PLXNA1: variants seen among roughly 807,000 people sequenced by gnomAD.
PLXNA1 encodes plexin-A1.
In PLXNA1, 77 loss-of-function variants were observed where a neutral mutation model predicts 191.7. That is an observed-to-expected ratio of 0.40 (90% CI 0.33 to 0.49). The LOEUF (loss-of-function observed/expected upper bound fraction) is 0.49, where lower values mean the gene tolerates loss of function less well. Ranked by LOEUF, PLXNA1 falls within the 20% of genes least tolerant of loss-of-function variation. PLXNA1 has a pLI of 0.63. For synonymous variants in PLXNA1, 1,137 were observed against 1,156.4 expected (o/e 0.98, Z 0.34); for missense variants, 2,110 against 2,660.2 (o/e 0.79, Z 4.55).
rs762223928 is a variant in PLXNA1 at position 127,018,434 on chromosome 3, C to T, written c.3801C>T (p.Tyr1267=). 2 of 1,613,062 alleles carry T rather than the reference C, an allele frequency of 1.2e-6. No homozygotes were observed. Among genetic ancestry groups the T allele is most frequent in the South Asian group, 1.1e-5 (1 of 91,086 alleles). ...TCATCGTGGCTGTGCTCATCGCCTA[C>T]AAGCGCAAGTCACGAGATGCTGACC... ...LLVIVAVLIA[Y]KRKSRDADRT... The change falls in exon 20 of 32, where the codon TAC becomes TAT. Residue 1267 remains tyrosine, a synonymous_variant. Coordinates refer to ENST00000393409, the MANE Select transcript of PLXNA1 (RefSeq NM_032242.4).
chr3:126,984,505 C>T (rs2078947749), intron 1 of PLXNA1, among the ~76,000 whole-genome samples: 1 of 152,186 alleles, frequency 6.6e-6, no homozygotes, highest in Middle Eastern at 3.2e-3. Context: ...GCGGCAGAGG[C>T]CAGGTGCTGC....
intron 31 of PLXNA1, among the ~76,000 whole-genome samples, chr3:127,033,122 G>A (rs2079221052): frequency 6.6e-6 from 1 of 152,230 alleles, no homozygotes; most frequent in Admixed American, 6.5e-5. Context: ...TGTGGGTGGT[G>A]AGCAACTTCC....
intron 23 of PLXNA1, chr3:127,026,576 G>C (rs886176696): frequency 6.6e-6 from 1 of 152,170 alleles, no homozygotes; most frequent in African/African-American, 2.4e-5. Flanking sequence ...CTCCTCCTTC[G>C]TGGCTAACTT....
At chr3:127,028,773 C>A in intron 25 of PLXNA1, 1 of 581,550 alleles carries the variant, frequency 1.7e-6, no homozygotes, top group Non-Finnish European at 3.1e-6. Context: ...GAAGGCAGGG[C>A]AGACCCCCTT....
rs1302845008 is a variant in PLXNA1, at chr3:127,022,764, G to A, written c.4308G>A (p.Val1436=). Residue 1436 remains valine, a synonymous_variant, in exon 23 of 32, where the codon GTG becomes GTA. Transcript: ENST00000393409. ...CTGTGCTCCCCAGGACTGAGTCGGT[G>A]GCAGAGAAGATGCTAACTAACTGGT... The part of the protein sequence containing the change: ...PKLLLRRTES[V]AEKMLTNWFT... The A allele has an allele frequency of 6.2e-7, 1 of 1,614,012 alleles. No individual in the cohort carries two copies. The highest frequency in any genetic ancestry group is 8.5e-7 in the Non-Finnish European group (1 of 1,179,952).
At chr3:127,019,118 G>A (rs2079140321) in intron 20 of PLXNA1, among the ~76,000 whole-genome samples, 1 of 152,190 alleles carries the variant, frequency 6.6e-6, no homozygotes, top group Admixed American at 6.5e-5. Flanking sequence ...GAGACTTTGA[G>A]CGTTTGCAGA....
chr3:127,021,265 C>T (rs1032419203), intron 21 of PLXNA1, among the ~76,000 whole-genome samples: 3 of 152,352 alleles, frequency 2.0e-5, no homozygotes, highest in East Asian at 1.9e-4. Flanking sequence ...TTGTATCTCT[C>T]TTTCAGTGCC....
intron 5 of PLXNA1, 53 bp from the exon 6 acceptor site, chr3:127,004,832 G>A: frequency 6.4e-7 from 1 of 1,568,308 alleles, no homozygotes; most frequent in East Asian, 2.3e-5. Flanking sequence ...CCGCCTGGCA[G>A]GCGGGCCCCG....
chr3:127,033,992 T>C lies in PLXNA1; in HGVS notation c.5666T>C (p.Val1889Ala). The change falls in exon 32 of 32, where the codon GTG (valine) becomes GCG (alanine). Residue 1889 changes from valine (V) to alanine (A), a missense_variant. Physicochemically the swap from Val to Ala is moderately conservative, Grantham distance 64 (BLOSUM62 0). Transcript: ENST00000393409. ...CTGCGGAGCAAGCTGGAGCAGGTGG[T>C]GGACACGATGGCCCTGAGCAGCTGA... ...QRLRSKLEQVVDTMALSS is the reference protein window; with the variant it reads ...QRLRSKLEQVADTMALSS 1.2e-6 allele frequency: 2 copies of C among 1,603,550 alleles called. No homozygotes were observed. Among genetic ancestry groups the C allele is most frequent in the Non-Finnish European group, 1.7e-6 (2 of 1,176,540 alleles).
At chr3:127,022,864 C>G in intron 23 of PLXNA1, 46 bp downstream of exon 23, 14 of 1,500,968 alleles carry the variant, frequency 9.3e-6, no homozygotes, top group South Asian at 1.1e-5. Flanking sequence ...AGGTGAACAG[C>G]GGGAGGGGAA....
Position 127,017,862 on chromosome 3 carries a change from G to C in PLXNA1, c.3630G>C (p.Ala1210=). ...CGGAGACGCAACTGCTGTGCGAGGC[G>C]CCCAACCTCACTGGGCAGCACAAGG... The part of the protein sequence containing the change: ...TVSETQLLCE[A]PNLTGQHKVT... The change falls in exon 19 of 32, where the codon GCG becomes GCC. Residue 1210 remains alanine (A), a synonymous_variant. Transcript: ENST00000393409. 1 of 1,612,606 alleles carries C rather than the reference G, an allele frequency of 6.2e-7. No individual in the cohort carries two copies.
chr3:127,015,069 C>G, intron 14 of PLXNA1, 115 bp from the exon 15 acceptor site: 16 of 1,444,478 alleles, frequency 1.1e-5, no homozygotes, highest in Non-Finnish European at 1.5e-5. Context: ...CCCGGGCATG[C>G]GGGCTCCTAG....
At chr3:127,020,455 G>GACCCTCCCCCAGGCC in intron 21 of PLXNA1, 111 bp downstream of exon 21, 4 of 1,367,364 alleles carry the variant, frequency 2.9e-6, no homozygotes, top group Non-Finnish European at 4.0e-6. Flanking sequence ...GTGTGGCCTG[G>GACCCTCCCCCAGGCC]GGGAGGGTCC....
rs560305832 is a variant in PLXNA1, at chr3:127,029,217, G to A, written c.4773+121G>A. ...AGCTGGATCTGTCAGGGAGAGGAGG[G>A]GAGGTGGTCACTTATGTGTGTGGAC... On this transcript the variant is annotated intron_variant, in intron 26 of 31. Coordinates refer to ENST00000393409, the MANE Select transcript of PLXNA1 (RefSeq NM_032242.4). 2.7e-5 allele frequency: 24 copies of A among 872,958 alleles called. No individual in the cohort carries two copies. The African/African-American group carries it at 3.2e-4, about 11-fold the overall frequency. 54.1% of individuals were successfully genotyped at this position (872,958 alleles called of 1,614,324 possible).
intron 10 of PLXNA1, among the ~76,000 whole-genome samples, chr3:127,012,617 A>G (rs1339971369): frequency 1.3e-5 from 2 of 152,246 alleles, no homozygotes; most frequent in African/African-American, 4.8e-5. Context: ...TCCCTGGCCA[A>G]ATGCAGAAAA....
chr3:126,999,072 G>A (rs1323067573), intron 3 of PLXNA1, among the ~76,000 whole-genome samples: 2 of 152,202 alleles, frequency 1.3e-5, no homozygotes, highest in African/African-American at 2.4e-5. Flanking sequence ...TCCTGTGAGG[G>A]GTGAGGAGGG....
chr3:127,015,180 G>A lies in PLXNA1; in HGVS notation c.2878-4G>A. ...GAGTTTCAGCAAGTTCCCTCTTCCT[G>A]CAGACACCAACCTTCTACCGTGTGA... On this transcript the variant is annotated splice_polypyrimidine_tract_variant and splice_region_variant and intron_variant, in intron 14 of 31. Coordinates refer to ENST00000393409, the MANE Select transcript of PLXNA1 (RefSeq NM_032242.4). 6.2e-7 allele frequency: 1 copy of A among 1,607,868 alleles called. No individual in the cohort carries two copies. Among genetic ancestry groups the A allele is most frequent in the Non-Finnish European group, 8.5e-7 (1 of 1,176,518 alleles).
rs1374386007 is a variant in PLXNA1 at position 127,020,188 on chromosome 3, G to A, written c.3896-14G>A. 4.3e-6 allele frequency: 7 copies of A among 1,611,406 alleles called. No individual in the cohort carries two copies. Among genetic ancestry groups the A allele is most frequent in the African/African-American group, 4.0e-5 (3 of 74,916 alleles). ...ACCAGGGCATGCTGCCCCTGACGCC[G>A]CATCTGGCCACAGCCTTTGCAGAGC... is the stretch of plus-strand genomic sequence containing the variant. On this transcript the variant is annotated splice_polypyrimidine_tract_variant and intron_variant, in intron 20 of 31. Coordinates refer to ENST00000393409, the MANE Select transcript of PLXNA1 (RefSeq NM_032242.4).
At chr3:127,012,272 G>C (rs1418741211) in intron 10 of PLXNA1, 114 bp downstream of exon 10, 7 of 1,100,210 alleles carry the variant, frequency 6.4e-6, no homozygotes, top group Non-Finnish European at 9.1e-6. Context: ...GTGCTCACGT[G>C]TATCTCTGAT....
Sources: gnomAD v4.1 joint callset for allele counts (sites outside exome capture counted in the v4.1 genomes callset) on GRCh38, gnomAD v4.1.1 for gene constraint, MANE v1.5 for transcripts, NCBI Gene and HGNC (gene_info 2026-07-23, HGNC 2026-07-21) for gene names.